The following FARS2 variants were observed in gnomAD, a reference collection of about 807,000 sequenced individuals.
FARS2 encodes the protein phenylalanyl-tRNA synthetase 2, mitochondrial.
Under a neutral mutation model 46.4 loss-of-function variants are expected in FARS2, and 40 were observed. The ratio of observed to expected loss-of-function variants is 0.86; its 90% CI spans 0.67 to 1.12. The LOEUF (loss-of-function observed/expected upper bound fraction) is 1.12. Among genes scored for constraint, FARS2 ranks in the 50% most tolerant of loss-of-function variants. The probability of loss-of-function intolerance (pLI) is 0.00; values close to 1 mark genes in which losing one functional copy is unlikely to be tolerated. For synonymous variants in FARS2, 234 were observed against 214.9 expected (o/e 1.09, Z -0.78); for missense variants, 513 against 567.9 (o/e 0.90, Z 0.98).
chr6:5,255,227 T>A, the FARS2 span, among the ~76,000 whole-genome samples: 1 of 152,206 alleles, frequency 6.6e-6, no homozygotes, highest in Non-Finnish European at 1.5e-5. Context: ...CCAGGAAAAC[T>A]ATTTTCATAG....
At chr6:5,417,098 G>A (rs1193003797) in intron 3 of FARS2, among the ~76,000 whole-genome samples, 3 of 152,064 alleles carry the variant, frequency 2.0e-5, no homozygotes, top group Non-Finnish European at 4.4e-5. Flanking sequence ...ACAGCAGAAG[G>A]TCTGCTTCTG....
At chr6:5,262,728 T>TAA (rs1228229133) in intron 1 of FARS2, among the ~76,000 whole-genome samples, 2 of 152,214 alleles carry the variant, frequency 1.3e-5, no homozygotes, top group Non-Finnish European at 2.9e-5. Context: ...AGAAAATACT[T>TAA]TTATTAAGAT....
At chr6:5,396,588 A>T (rs987357760) in intron 2 of FARS2, among the ~76,000 whole-genome samples, 1 of 152,158 alleles carries the variant, frequency 6.6e-6, no homozygotes, top group Non-Finnish European at 1.5e-5. Flanking sequence ...GGCTAAAAAA[A>T]CCCCAACTAG....
chr6:5,289,214 G>A (rs2875980), intron 1 of FARS2, among the ~76,000 whole-genome samples: 40,261 of 152,076 alleles, frequency 0.26, 6,882 homozygotes, highest in African/African-American at 0.49. Context: ...TTAATGCTTA[G>A]AAGTTTGAGT....
rs547835439 is a variant in FARS2, at chr6:5,574,948, C to T, written c.1065+29608C>T. ...CAGGGAATACTATATATTCCGTTTA[C>T]GTTTGATTGAAAAAAAAAATCCACA... On this transcript the variant is annotated intron_variant, in intron 5 of 6. Coordinates refer to ENST00000274680, the MANE Select transcript of FARS2 (RefSeq NM_006567.5). Among the ~76,000 whole-genome samples the T allele has an allele frequency of 4.9e-5, 7 of 142,350 alleles. No individual in the cohort carries two copies. In the South Asian group the frequency reaches 6.5e-4, roughly 13 times the overall value. The allele number at this position is 142,350 out of a possible 152,430, so 93.4% of individuals were successfully genotyped here.
chr6:5,620,336 A>T (rs1340969762), intron 6 of FARS2, among the ~76,000 whole-genome samples: 1 of 151,794 alleles, frequency 6.6e-6, no homozygotes, highest in South Asian at 2.1e-4. Flanking sequence ...TGCTTCTTAT[A>T]AAAAAAGTTT....
intron 5 of FARS2, among the ~76,000 whole-genome samples, chr6:5,595,224 GAA>G (rs1297246126): frequency 6.6e-6 from 1 of 152,150 alleles, no homozygotes; most frequent in Non-Finnish European, 1.5e-5. Context: ...GCTCTTCAGA[GAA>G]AAAGTCTAAA....
At chr6:5,565,400 T>TA (rs530332676) in intron 5 of FARS2, among the ~76,000 whole-genome samples, 1 of 152,200 alleles carries the variant, frequency 6.6e-6, no homozygotes, top group Non-Finnish European at 1.5e-5. Context: ...TTAAAGCTAT[T>TA]AAAAACCTGC....
At chr6:5,731,454 T>C (rs1760617605) in intron 6 of FARS2, among the ~76,000 whole-genome samples, 1 of 152,200 alleles carries the variant, frequency 6.6e-6, no homozygotes, top group South Asian at 2.1e-4. Flanking sequence ...ATTCGTTCCA[T>C]GTCTCCTGCT....
chr6:5,427,538 G>T (rs1762921032), intron 3 of FARS2, among the ~76,000 whole-genome samples: 1 of 151,702 alleles, frequency 6.6e-6, no homozygotes, highest in Non-Finnish European at 1.5e-5. Flanking sequence ...GATCTCAGGG[G>T]GTAAAAAGGA....
intron 4 of FARS2, chr6:5,431,741 T>C: frequency 1.9e-6 from 1 of 524,668 alleles, no homozygotes. Context: ...CTATAGGCAT[T>C]TCAGAAAGAT....
At chr6:5,259,623 G>A (rs1764870220), upstream of FARS2, among the ~76,000 whole-genome samples, 1 of 152,232 alleles carries the variant, frequency 6.6e-6, no homozygotes, top group African/African-American at 2.4e-5. Flanking sequence ...CACACGTGCT[G>A]GAGGGGGGCC....
chr6:5,478,225 C>A (rs548069711), intron 4 of FARS2, among the ~76,000 whole-genome samples: 1 of 152,188 alleles, frequency 6.6e-6, no homozygotes, highest in Non-Finnish European at 1.5e-5. Flanking sequence ...CAGATAATTT[C>A]ATTAGCCTAA....
intron 4 of FARS2, among the ~76,000 whole-genome samples, chr6:5,468,980 G>A (rs1438780160): frequency 6.6e-6 from 1 of 152,162 alleles, no homozygotes; most frequent in East Asian, 1.9e-4. Flanking sequence ...CAGCTGTTAT[G>A]TGACGGGTAA....
chr6:5,408,005 GGA>G (rs1333987727), intron 3 of FARS2, among the ~76,000 whole-genome samples: 3 of 152,116 alleles, frequency 2.0e-5, no homozygotes, highest in African/African-American at 7.2e-5. Context: ...GCCAAACTAT[GGA>G]GAGAATTTTT....
chr6:5,370,129 G>A (rs769643995), intron 2 of FARS2, among the ~76,000 whole-genome samples: 12 of 152,190 alleles, frequency 7.9e-5, no homozygotes, highest in Non-Finnish European at 1.8e-4. Flanking sequence ...TAAGCTAAAT[G>A]AGTTATTAAT....
At chr6:5,714,971 G>T (rs1759405158) in intron 6 of FARS2, among the ~76,000 whole-genome samples, 1 of 152,210 alleles carries the variant, frequency 6.6e-6, no homozygotes, top group African/African-American at 2.4e-5. Context: ...GTTGCAGTGA[G>T]TGGAGATCGC....
At chr6:5,598,140 A>G (rs191417921) in intron 5 of FARS2, among the ~76,000 whole-genome samples, 67 of 152,254 alleles carry the variant, frequency 4.4e-4, no homozygotes, top group Non-Finnish European at 8.2e-4. Context: ...TAATCCTAGC[A>G]CTTCGGGAGG....
chr6:5,645,025 T>G (rs981003618), intron 6 of FARS2, among the ~76,000 whole-genome samples: 5 of 152,222 alleles, frequency 3.3e-5, no homozygotes, highest in Non-Finnish European at 1.5e-5. Flanking sequence ...AGGCACAGAA[T>G]AGTACCTTAT....
Sources: allele counts gnomAD v4.1 joint callset (sites outside exome capture counted in the v4.1 genomes callset), GRCh38; gene constraint gnomAD v4.1.1; transcripts MANE v1.5; gene names NCBI Gene and HGNC (gene_info 2026-07-23, HGNC 2026-07-21).